Variants in NCKAP5 observed in about 807,000 individuals in gnomAD.
NCKAP5 encodes the protein NCK associated protein 5.
In NCKAP5, 92 loss-of-function variants were observed where a neutral mutation model predicts 167.0. The observed-to-expected ratio is 0.55, with a 90% CI of 0.47 to 0.66. The LOEUF (loss-of-function observed/expected upper bound fraction) is 0.66, where lower values mean the gene tolerates loss of function less well. NCKAP5 is among the 30% of genes least tolerant of loss of function. The pLI, the probability that NCKAP5 is intolerant of heterozygous loss-of-function variation, is 0.00. For synonymous variants in NCKAP5, 891 were observed against 877.4 expected, an observed-to-expected ratio of 1.02 and a Z score of -0.27; for missense variants, 2,378 against 2,315.0, an observed-to-expected ratio of 1.03 and a Z score of -0.56.
At chr2:132,818,665 G>T (rs763744283) in intron 11 of NCKAP5, among the ~76,000 whole-genome samples, 3 of 152,234 alleles carry the variant, frequency 2.0e-5, no homozygotes, top group Non-Finnish European at 4.4e-5. Flanking sequence ...TCCAGCCTGG[G>T]TGACAGAGTG....
intron 4 of NCKAP5, among the ~76,000 whole-genome samples, chr2:133,221,844 T>C (rs2086674007): frequency 6.6e-6 from 1 of 152,254 alleles, no homozygotes; most frequent in Non-Finnish European, 1.5e-5. Flanking sequence ...ACATATTCTA[T>C]GTTATTCTCT....
At chr2:132,922,394 T>C (rs138131617) in intron 8 of NCKAP5, among the ~76,000 whole-genome samples, 5 of 152,178 alleles carry the variant, frequency 3.3e-5, no homozygotes, top group African/African-American at 1.2e-4. Flanking sequence ...TCTGCCAGAG[T>C]CAATGTCATA....
At chr2:132,955,699 T>C (rs1257928286) in intron 8 of NCKAP5, among the ~76,000 whole-genome samples, 3 of 152,176 alleles carry the variant, frequency 2.0e-5, no homozygotes, top group African/African-American at 7.2e-5. Flanking sequence ...GGTCAAATGG[T>C]ATTTCTGCTT....
chr2:133,252,225 T>C (rs1433371690), intron 4 of NCKAP5, among the ~76,000 whole-genome samples: 1 of 152,062 alleles, frequency 6.6e-6, no homozygotes, highest in African/African-American at 2.4e-5. Flanking sequence ...GAGGTGCTTA[T>C]TATCAATGAG....
chr2:133,202,447 T>G (rs757124739), intron 5 of NCKAP5, among the ~76,000 whole-genome samples: 1 of 152,126 alleles, frequency 6.6e-6, no homozygotes, highest in African/African-American at 2.4e-5. Context: ...GAAGAAAACC[T>G]AGGCAATACC....
chr2:133,626,187 C>A, the NCKAP5 span, among the ~76,000 whole-genome samples: 1 of 152,060 alleles, frequency 6.6e-6, no homozygotes, highest in African/African-American at 2.4e-5. Context: ...TAAATATAGG[C>A]AATAATCACT....
chr2:132,886,870 T>A (rs1315206357), intron 8 of NCKAP5, among the ~76,000 whole-genome samples: 1 of 152,156 alleles, frequency 6.6e-6, no homozygotes, highest in Non-Finnish European at 1.5e-5. Context: ...AATAAAGAAA[T>A]GTGCAATAGA....
At chr2:133,181,168 G>A (rs1205425128) in intron 5 of NCKAP5, among the ~76,000 whole-genome samples, 1 of 151,952 alleles carries the variant, frequency 6.6e-6, no homozygotes, top group Non-Finnish European at 1.5e-5. Context: ...TGTGTGTCAA[G>A]GAAATCTTTA....
intron 8 of NCKAP5, among the ~76,000 whole-genome samples, chr2:132,945,192 A>C (rs1030488933): frequency 6.7e-6 from 1 of 149,210 alleles, no homozygotes; most frequent in Non-Finnish European, 1.5e-5. Flanking sequence ...TTCCTGGGGA[A>C]TTATGGTCCT....
intron 7 of NCKAP5, among the ~76,000 whole-genome samples, chr2:132,975,289 T>C (rs1017556147): frequency 2.0e-5 from 3 of 152,224 alleles, no homozygotes; most frequent in African/African-American, 7.2e-5. Flanking sequence ...TAAATGTGTA[T>C]GATGGATAAG....
chr2:133,197,072 A>G (rs1475072784), intron 5 of NCKAP5, among the ~76,000 whole-genome samples: 3 of 152,208 alleles, frequency 2.0e-5, no homozygotes, highest in Admixed American at 2.0e-4. Context: ...GCAGAAGAGA[A>G]GAAAAACTAA....
chr2:133,112,095 A>T (rs1382985431), intron 6 of NCKAP5, among the ~76,000 whole-genome samples: 1 of 152,138 alleles, frequency 6.6e-6, no homozygotes, highest in Non-Finnish European at 1.5e-5. Flanking sequence ...AAAACATGAA[A>T]CTTTACAATT....
intron 6 of NCKAP5, among the ~76,000 whole-genome samples, chr2:133,114,785 T>A (rs1476685928): frequency 6.6e-6 from 1 of 152,194 alleles, no homozygotes; most frequent in Non-Finnish European, 1.5e-5. Flanking sequence ...GTGTTTCCTA[T>A]AAGTTGTTCA....
At chr2:132,915,796 G>A (rs1694823341) in intron 8 of NCKAP5, 1 of 151,998 alleles carries the variant, frequency 6.6e-6, no homozygotes, top group Non-Finnish European at 1.5e-5. Flanking sequence ...TGTTGGGAGT[G>A]GGGAAAGATG....
intron 9 of NCKAP5, among the ~76,000 whole-genome samples, chr2:132,872,458 G>T (rs953870451): frequency 6.6e-6 from 1 of 152,178 alleles, no homozygotes; most frequent in Non-Finnish European, 1.5e-5. Context: ...GAAAAGCTGG[G>T]GCTATGGAGT....
At chr2:133,203,004 TAGA>T (rs201584828) in intron 5 of NCKAP5, among the ~76,000 whole-genome samples, 7,938 of 152,128 alleles carry the variant, frequency 0.052, 636 homozygotes, top group African/African-American at 0.18. Flanking sequence ...GATCTAGAAC[TAGA>T]AACACCATTT....
At chr2:132,854,508 C>A (rs1689313128) in intron 11 of NCKAP5, among the ~76,000 whole-genome samples, 1 of 152,168 alleles carries the variant, frequency 6.6e-6, no homozygotes, top group African/African-American at 2.4e-5. Context: ...TTTCTCATGC[C>A]TTTGCACAGT....
At chr2:133,340,206 C>A (rs577938406) in intron 3 of NCKAP5, among the ~76,000 whole-genome samples, 65 of 152,294 alleles carry the variant, frequency 4.3e-4, no homozygotes, top group Non-Finnish European at 7.6e-4. Flanking sequence ...TCACAACTAC[C>A]TTGAGCTGAC....
intron 4 of NCKAP5, 45 bp from the exon 5 acceptor site, chr2:133,213,824 G>C: frequency 1.3e-6 from 2 of 1,589,014 alleles, no homozygotes; most frequent in Non-Finnish European, 1.7e-6. Flanking sequence ...TCTCAGGGTA[G>C]AGGTGACACT....
Sources: allele counts gnomAD v4.1 joint callset (sites outside exome capture counted in the v4.1 genomes callset), GRCh38; gene constraint gnomAD v4.1.1; transcripts MANE v1.5; gene names NCBI Gene and HGNC (gene_info 2026-07-23, HGNC 2026-07-21).